The following MGAM2 variants were observed in gnomAD, a reference collection of about 807,000 sequenced individuals.
The protein encoded by MGAM2 is maltase-glucoamylase 2 (putative).
A neutral mutation model predicts 96.1 loss-of-function variants in MGAM2; 98 were observed. That is an observed-to-expected ratio of 1.02 (90% CI 0.87 to 1.21). The LOEUF is 1.21. MGAM2 is among the 50% of genes most tolerant of loss of function. The pLI is 0.00. For synonymous variants in MGAM2, 749 were observed against 414.8 expected (o/e 1.81, Z -9.79); for missense variants, 2,055 against 1,182.4 (o/e 1.74, Z -10.82).
chr7:142,169,400 G>A (rs1247215524), intron 26 of MGAM2, among the ~76,000 whole-genome samples: 9 of 152,028 alleles, frequency 5.9e-5, no homozygotes, highest in South Asian at 4.2e-4. Flanking sequence ...CCGAGCTGGC[G>A]ACAGAGTGAG....
intron 32 of MGAM2, among the ~76,000 whole-genome samples, chr7:142,177,363 C>T (rs968327543): frequency 1.7e-4 from 26 of 152,142 alleles, no homozygotes; most frequent in African/African-American, 6.3e-4. Flanking sequence ...TCAATTACCT[C>T]CTACCATGTC....
At position 142,221,066 on chromosome 7, in the gene MGAM2, T is replaced by G; in HGVS notation, c.6555T>G (p.Ser2185=). The G allele has an allele frequency of 1.4e-6, 1 of 702,596 alleles. No individual in the cohort carries two copies. Among genetic ancestry groups the G allele is most frequent in the Non-Finnish European group, 2.6e-6 (1 of 384,788 alleles). The allele number at this position is 702,596 out of a possible 1,614,324, so 43.5% of individuals were successfully genotyped here. ...CTGTTCCAGTTACAGCTATTCCTTC[T>G]CTTGCAAATACTGGTGTTGACACTA... is the stretch of plus-strand genomic sequence containing the variant. ...NNTVPVTAIP[S]LANTGVDTTS... is the part of the protein sequence containing the mutation. The change falls in exon 48 of 48, where the codon TCT becomes TCG. Residue 2185 remains serine, a synonymous_variant. Coordinates refer to ENST00000477922, the MANE Select transcript of MGAM2 (RefSeq NM_001293626.2).
At chr7:142,114,825 T>C (rs1240009572) in intron 1 of MGAM2, among the ~76,000 whole-genome samples, 1 of 152,208 alleles carries the variant, frequency 6.6e-6, no homozygotes, top group African/African-American at 2.4e-5. Flanking sequence ...GAATAGTTTC[T>C]GCAAAATCAT....
At chr7:142,155,701 C>T (rs1171487867) in intron 17 of MGAM2, among the ~76,000 whole-genome samples, 1 of 152,152 alleles carries the variant, frequency 6.6e-6, no homozygotes, top group African/African-American at 2.4e-5. Flanking sequence ...TGGGTGGGTG[C>T]TCTTCATGAA....
intron 23 of MGAM2, among the ~76,000 whole-genome samples, chr7:142,162,810 T>C (rs1183361324): frequency 2.6e-5 from 4 of 151,900 alleles, no homozygotes; most frequent in Admixed American, 2.6e-4. Flanking sequence ...CAGTTTCTCC[T>C]ATGGTAACAT....
intron 23 of MGAM2, 23 bp from the exon 24 acceptor site, chr7:142,164,833 C>G: frequency 1.5e-6 from 1 of 672,242 alleles, no homozygotes. Flanking sequence ...GGTTTCCAAT[C>G]TGACTTTTTT....
At position 142,221,442 on chromosome 7, in the gene MGAM2, A is replaced by G. The variant is rs1244878760; in HGVS notation, c.6931A>G (p.Ile2311Val). 3 of 582,082 alleles carry G rather than the reference A, an allele frequency of 5.2e-6. No homozygotes were observed. Among genetic ancestry groups the G allele is most frequent in the East Asian group, 2.8e-5 (1 of 36,136 alleles). The allele number at this position is 582,082 out of a possible 1,614,324, so 36.1% of individuals were successfully genotyped here. ...THTLTSIPSS[I>V]TSILSMFPTS... Reference sequence around the variant, plus strand: ...TACTCTTACTTCTATTCCTAGCTCTATTACTTCTATTTTGAGCATGTTTCC... The same window carrying G: ...TACTCTTACTTCTATTCCTAGCTCTGTTACTTCTATTTTGAGCATGTTTCC... Residue 2311 changes from isoleucine (I) to valine (V), a missense_variant, in exon 48 of 48, where the codon ATT becomes GTT. Coordinates refer to ENST00000477922, the MANE Select transcript of MGAM2 (RefSeq NM_001293626.2).
intron 34 of MGAM2, among the ~76,000 whole-genome samples, chr7:142,185,680 G>C (rs1796672041): frequency 6.6e-6 from 1 of 151,630 alleles, no homozygotes; most frequent in South Asian, 2.1e-4. Context: ...AAAAGAAAAA[G>C]TATTTGCATC....
At chr7:142,173,122 C>T in intron 30 of MGAM2, 107 bp from the exon 31 acceptor site, 3 of 575,630 alleles carry the variant, frequency 5.2e-6, no homozygotes, top group East Asian at 5.5e-5. Flanking sequence ...TTGGGTGAGG[C>T]CTCTTATACA....
In MGAM2 at chr7:142,148,649, A is replaced by C. The variant is rs1471778871; in HGVS notation, c.1634+1076A>C. ...TCATTATACCTAAGAGAGCAAGAAA[A>C]TTTGGGGCCAGGCTTAAGATTTTAA... On this transcript the variant is annotated intron_variant, in intron 15 of 47. Coordinates refer to ENST00000477922, the MANE Select transcript of MGAM2 (RefSeq NM_001293626.2). The surrounding 1 kb of genome is among the most constrained non-coding windows in gnomAD (Gnocchi z 4.2). Among the ~76,000 whole-genome samples, 1 of 152,220 alleles carries C rather than the reference A, an allele frequency of 6.6e-6. No individual in the cohort carries two copies. Among genetic ancestry groups the C allele is most frequent in the African/African-American group, 2.4e-5 (1 of 41,460 alleles).
At chr7:142,147,756 A>T (rs908690973) in intron 15 of MGAM2, among the ~76,000 whole-genome samples, 183 bp downstream of exon 15, 12 of 152,190 alleles carry the variant, frequency 7.9e-5, no homozygotes, top group African/African-American at 2.7e-4. Flanking sequence ...TCTGTACAGG[A>T]TTATCTTTGA....
intron 15 of MGAM2, among the ~76,000 whole-genome samples, chr7:142,151,723 G>C (rs944671844): frequency 2.0e-5 from 3 of 152,190 alleles, no homozygotes; most frequent in Non-Finnish European, 4.4e-5. Flanking sequence ...GAATGGGTTG[G>C]TTAATATATT....
At chr7:142,146,526 A>G (rs1201801471) in intron 14 of MGAM2, among the ~76,000 whole-genome samples, 2 of 152,048 alleles carry the variant, frequency 1.3e-5, no homozygotes, top group Non-Finnish European at 2.9e-5. Context: ...TGTGCCTCAC[A>G]CTCAGGTCCT....
chr7:142,122,036 T>A (rs1225063315), intron 3 of MGAM2, among the ~76,000 whole-genome samples: 2 of 152,124 alleles, frequency 1.3e-5, no homozygotes, highest in Non-Finnish European at 2.9e-5. Flanking sequence ...ATCTTTATAT[T>A]CTTATTTTAA....
intron 20 of MGAM2, among the ~76,000 whole-genome samples, 155 bp from the exon 21 acceptor site, chr7:142,159,979 C>G (rs1795841411): frequency 6.6e-6 from 1 of 152,174 alleles, no homozygotes; most frequent in Non-Finnish European, 1.5e-5. Context: ...GCTCTGCCCT[C>G]TACTACCCAT....
chr7:142,173,158 A>G, intron 30 of MGAM2, 71 bp from the exon 31 acceptor site: 2 of 689,582 alleles, frequency 2.9e-6, no homozygotes, highest in Non-Finnish European at 5.3e-6. Context: ...ACTCAAGTTG[A>G]TTCAAGTATA....
At chr7:142,185,879 G>C (rs1796678098) in intron 34 of MGAM2, 110 bp from the exon 35 acceptor site, 1 of 576,572 alleles carries the variant, frequency 1.7e-6, no homozygotes, top group South Asian at 2.4e-5. Context: ...GCAGATCTGA[G>C]ATTAGAGCAG....
chr7:142,197,348 T>G, intron 40 of MGAM2, 52 bp from the exon 41 acceptor site: 1 of 690,342 alleles, frequency 1.4e-6, no homozygotes, highest in Admixed American at 2.1e-5. Flanking sequence ...CTGATGCCAC[T>G]GGGATGGAAT....
intron 46 of MGAM2, among the ~76,000 whole-genome samples, chr7:142,217,382 G>A (rs976967364): frequency 1.3e-4 from 20 of 152,080 alleles, no homozygotes; most frequent in African/African-American, 4.6e-4. Flanking sequence ...TAGCCTTGTC[G>A]CTTTGGACTA....
Sources: gnomAD v4.1 joint callset for allele counts (sites outside exome capture counted in the v4.1 genomes callset) on GRCh38, gnomAD v4.1.1 for gene constraint, Gnocchi (gnomAD v3.1) non-coding constraint, MANE v1.5 for transcripts, NCBI Gene and HGNC (gene_info 2026-07-23, HGNC 2026-07-21) for gene names.